The following WNT7A variants were observed in gnomAD, a reference collection of about 807,000 sequenced individuals.
The protein encoded by WNT7A is protein Wnt-7a.
A neutral mutation model predicts 28.2 loss-of-function variants in WNT7A; 16 were observed. The ratio of observed to expected loss-of-function variants is 0.57; its 90% CI spans 0.38 to 0.86. The LOEUF is 0.86. Ranked by LOEUF, WNT7A falls within the 40% of genes least tolerant of loss-of-function variation. WNT7A has a pLI of 0.00. For missense variants in WNT7A, 411 were observed against 489.7 expected, an observed-to-expected ratio of 0.84 and a Z score of 1.52; for synonymous variants, 190 against 195.9, an observed-to-expected ratio of 0.97 and a Z score of 0.25.
chr3:13,842,006 A>AT (rs911551642), intron 3 of WNT7A, among the ~76,000 whole-genome samples: 2 of 152,008 alleles, frequency 1.3e-5, no homozygotes, highest in Non-Finnish European at 2.9e-5. Flanking sequence ...GGGCAGGGAC[A>AT]TACCCAGTGT....
At chr3:13,837,538 G>GTGAATGAATGAATGAATGAGTGAA (rs1694389714) in intron 3 of WNT7A, among the ~76,000 whole-genome samples, 1 of 149,780 alleles carries the variant, frequency 6.7e-6, no homozygotes, top group Non-Finnish European at 1.5e-5. Flanking sequence ...TTCTGGGTGA[G>GTGAATGAATGAATGAATGAGTGAA]TGAATGAATG....
At position 13,849,486 on chromosome 3, in the gene WNT7A, A is replaced by C. The variant is rs181422753; in HGVS notation, c.570+5046T>G. Among the ~76,000 whole-genome samples the C allele has an allele frequency of 2.0e-5, 3 of 152,224 alleles. No individual in the cohort carries two copies. In the South Asian group the frequency reaches 6.2e-4, roughly 31 times the overall value. On this transcript the variant is annotated intron_variant, in intron 3 of 3. Coordinates refer to ENST00000285018, the MANE Select transcript of WNT7A (RefSeq NM_004625.4). Reference sequence around the variant, plus strand: ...CCCCAAGACAGAGCAAGCACTTGCCATATCATTTGTTCACTCAACAAATAT... The same window carrying C: ...CCCCAAGACAGAGCAAGCACTTGCCCTATCATTTGTTCACTCAACAAATAT...
chr3:13,822,210 A>G (rs1408034080), intron 3 of WNT7A, among the ~76,000 whole-genome samples: 2 of 152,278 alleles, frequency 1.3e-5, no homozygotes, highest in Non-Finnish European at 2.9e-5. Context: ...GTGTGACTCA[A>G]CAATTCCACC....
rs1694013369 is a variant in WNT7A, at chr3:13,816,951, G to A, written c.*1993C>T. 1 of 152,120 alleles carries A rather than the reference G, an allele frequency of 6.6e-6. No homozygotes were observed. The highest frequency in any genetic ancestry group is 6.5e-5 in the Admixed American group (1 of 15,292). 9.4% of individuals were successfully genotyped at this position (152,120 alleles called of 1,614,324 possible). A position where few individuals can be genotyped will look rare whatever the true frequency, so the allele number is the denominator to read the frequency against. On this transcript the variant is annotated 3_prime_UTR_variant, in exon 4 of 4. Transcript: ENST00000285018. ...CAGACACCCAAGTAAAAGAAAAATG[G>A]AAAAAAATGTCCAAGGGAAGAAACC...
At chr3:13,867,509 GACA>G (rs1694929671) in intron 2 of WNT7A, among the ~76,000 whole-genome samples, 1 of 152,138 alleles carries the variant, frequency 6.6e-6, no homozygotes, top group African/African-American at 2.4e-5. Flanking sequence ...GACGGAGGTG[GACA>G]CACTTTCTTT....
At chr3:13,846,300 A>C (rs1694537592) in intron 3 of WNT7A, among the ~76,000 whole-genome samples, 1 of 152,242 alleles carries the variant, frequency 6.6e-6, no homozygotes, top group Admixed American at 6.5e-5. Flanking sequence ...TCTTGGAATC[A>C]CAGGGTTTCA....
chr3:13,875,265 A>G, intron 1 of WNT7A, 92 bp from the exon 2 acceptor site: 2 of 1,356,332 alleles, frequency 1.5e-6, no homozygotes, highest in Non-Finnish European at 2.1e-6. Flanking sequence ...TGGCCACCCC[A>G]CTGCCCCCAG....
At chr3:13,831,966 G>C (rs560914103) in intron 3 of WNT7A, among the ~76,000 whole-genome samples, 3 of 152,142 alleles carry the variant, frequency 2.0e-5, no homozygotes, top group Non-Finnish European at 4.4e-5. Context: ...GGAGGTCAGC[G>C]GGCAGGCAGC....
intron 2 of WNT7A, among the ~76,000 whole-genome samples, chr3:13,861,492 A>G (rs906679196): frequency 6.6e-6 from 1 of 152,264 alleles, no homozygotes; most frequent in African/African-American, 2.4e-5. Context: ...CAGTAGGATC[A>G]TGCCACTCCG....
chr3:13,871,382 G>A (rs113156257), intron 2 of WNT7A, among the ~76,000 whole-genome samples: 10,671 of 152,130 alleles, frequency 0.07, 775 homozygotes, highest in African/African-American at 0.18. Context: ...CCTGGAGCAG[G>A]ACACCTGTCT....
chr3:13,823,310 G>T (rs1037387270), intron 3 of WNT7A, among the ~76,000 whole-genome samples: 5 of 152,194 alleles, frequency 3.3e-5, no homozygotes, highest in African/African-American at 1.2e-4. Flanking sequence ...AGGGCTTTCA[G>T]GCTCAGGCTC....
chr3:13,846,824 C>A (rs973899299), intron 3 of WNT7A, among the ~76,000 whole-genome samples: 2 of 152,174 alleles, frequency 1.3e-5, no homozygotes, highest in African/African-American at 4.8e-5. Flanking sequence ...GGCTGAGCCA[C>A]CTGACTCCTT....
intron 3 of WNT7A, among the ~76,000 whole-genome samples, chr3:13,833,318 C>T (rs540402809): frequency 2.0e-5 from 3 of 152,178 alleles, no homozygotes; most frequent in Admixed American, 6.5e-5. Flanking sequence ...ACAACATATG[C>T]ACAGATAGCC....
chr3:13,838,284 T>C (rs1479899881), intron 3 of WNT7A, among the ~76,000 whole-genome samples: 2 of 152,188 alleles, frequency 1.3e-5, no homozygotes, highest in Non-Finnish European at 2.9e-5. Context: ...GTCCTCACCC[T>C]CCTGCTGTCT....
At chr3:13,858,362 T>A (rs1457005083) in intron 2 of WNT7A, among the ~76,000 whole-genome samples, 1 of 152,220 alleles carries the variant, frequency 6.6e-6, no homozygotes, top group Non-Finnish European at 1.5e-5. Context: ...GAGGGGGCTG[T>A]CAGCCCAAGA....
At chr3:13,879,584 C>A (rs1373732131) in intron 1 of WNT7A, among the ~76,000 whole-genome samples, 162 bp downstream of exon 1, 3 of 151,982 alleles carry the variant, frequency 2.0e-5, no homozygotes, top group East Asian at 1.9e-4. Flanking sequence ...GGGTGTCCTG[C>A]GGGGGGCCTT....
chr3:13,871,681 A>G (rs1432809736), intron 2 of WNT7A, among the ~76,000 whole-genome samples: 2 of 151,886 alleles, frequency 1.3e-5, no homozygotes, highest in African/African-American at 4.8e-5. Context: ...GCAGGTCTCC[A>G]TGGCTATCAC....
At chr3:13,826,405 C>T (rs1694196900) in intron 3 of WNT7A, among the ~76,000 whole-genome samples, 1 of 152,246 alleles carries the variant, frequency 6.6e-6, no homozygotes, top group South Asian at 2.1e-4. Context: ...CAGGGCTGAG[C>T]TGGAGTCAGA....
At chr3:13,832,011 G>T (rs532406068) in intron 3 of WNT7A, among the ~76,000 whole-genome samples, 1 of 152,126 alleles carries the variant, frequency 6.6e-6, no homozygotes, top group South Asian at 2.1e-4. Context: ...AATAAGTGTG[G>T]ATACCCACAC....
Sources: gnomAD v4.1 joint callset for allele counts (sites outside exome capture counted in the v4.1 genomes callset) on GRCh38, gnomAD v4.1.1 for gene constraint, MANE v1.5 for transcripts, NCBI Gene and HGNC (gene_info 2026-07-23, HGNC 2026-07-21) for gene names.